Variants in CNTNAP2 observed in about 807,000 individuals in gnomAD.
CNTNAP2 encodes contactin-associated protein-like 2.
A neutral mutation model predicts 155.2 loss-of-function variants in CNTNAP2; 98 were observed. The observed-to-expected ratio is 0.63, with a 90% CI of 0.54 to 0.75. CNTNAP2 has a LOEUF of 0.75. Ranked by LOEUF, CNTNAP2 falls within the 30% of genes least tolerant of loss-of-function variation. The pLI, the probability that CNTNAP2 is intolerant of heterozygous loss-of-function variation, is 0.00. For missense variants in CNTNAP2, 1,727 were observed against 1,688.1 expected (o/e 1.02, Z -0.40); for synonymous variants, 651 against 631.2 (o/e 1.03, Z -0.47).
intron 1 of CNTNAP2, among the ~76,000 whole-genome samples, chr7:146,298,171 T>C (rs1800546484): frequency 6.6e-6 from 1 of 152,234 alleles, no homozygotes; most frequent in Non-Finnish European, 1.5e-5. Flanking sequence ...TCTGGGACTT[T>C]GTGAAGAGCC....
At chr7:147,208,715 GC>G (rs1177935028) in intron 8 of CNTNAP2, among the ~76,000 whole-genome samples, 1 of 151,908 alleles carries the variant, frequency 6.6e-6, no homozygotes, top group Non-Finnish European at 1.5e-5. Flanking sequence ...TCTAATATAT[GC>G]AAGTAGTACT....
intron 1 of CNTNAP2, among the ~76,000 whole-genome samples, chr7:146,647,817 G>T (rs998134745): frequency 6.6e-6 from 1 of 152,094 alleles, no homozygotes; most frequent in Admixed American, 6.6e-5. Flanking sequence ...ATTTTTAAAA[G>T]AAATCTTTTA....
At chr7:147,907,126 A>C (rs781179645) in intron 14 of CNTNAP2, among the ~76,000 whole-genome samples, 1 of 151,854 alleles carries the variant, frequency 6.6e-6, no homozygotes, top group South Asian at 2.1e-4. Flanking sequence ...GCATGATCTC[A>C]GCTCACTGCA....
intron 14 of CNTNAP2, among the ~76,000 whole-genome samples, chr7:147,934,099 T>G (rs1276617497): frequency 2.0e-5 from 3 of 152,116 alleles, no homozygotes; most frequent in Admixed American, 2.0e-4. Flanking sequence ...GGTATAAAGT[T>G]TTAGTCATGC....
At chr7:146,594,211 T>G (rs981573923) in intron 1 of CNTNAP2, among the ~76,000 whole-genome samples, 4 of 152,156 alleles carry the variant, frequency 2.6e-5, no homozygotes, top group South Asian at 4.1e-4. Context: ...TTTACCCTAT[T>G]GCAATAATAC....
chr7:147,963,567 A>G (rs1922878), intron 14 of CNTNAP2, among the ~76,000 whole-genome samples: 101,726 of 152,004 alleles, frequency 0.67, 38,064 homozygotes, highest in South Asian at 0.88. Flanking sequence ...CACGTTGAGG[A>G]ACAGTAAATG....
intron 13 of CNTNAP2, among the ~76,000 whole-genome samples, chr7:147,901,784 C>T (rs1020114856): frequency 6.6e-6 from 1 of 152,126 alleles, no homozygotes; most frequent in Non-Finnish European, 1.5e-5. Context: ...CAATCTGTAT[C>T]TTTTTCTTCC....
chr7:147,381,248 A>T (rs961780652), intron 9 of CNTNAP2, among the ~76,000 whole-genome samples: 3 of 152,186 alleles, frequency 2.0e-5, no homozygotes, highest in African/African-American at 7.2e-5. Context: ...GCGTTAAGAC[A>T]GGATGAGTGA....
intron 18 of CNTNAP2, among the ~76,000 whole-genome samples, chr7:148,212,613 T>C (rs1454039963): frequency 6.6e-6 from 1 of 152,212 alleles, no homozygotes; most frequent in Non-Finnish European, 1.5e-5. Context: ...TCTAAATCAA[T>C]ACTTTTTGAT....
At chr7:147,046,767 C>A (rs1375441170) in intron 4 of CNTNAP2, among the ~76,000 whole-genome samples, 1 of 152,050 alleles carries the variant, frequency 6.6e-6, no homozygotes, top group Non-Finnish European at 1.5e-5. Context: ...CGGTGGCTCA[C>A]ACCTGTAATC....
At chr7:148,277,593 C>CT (rs540287466) in intron 21 of CNTNAP2, among the ~76,000 whole-genome samples, 2 of 148,596 alleles carry the variant, frequency 1.3e-5, no homozygotes, top group Non-Finnish European at 3.0e-5. Context: ...AGGACCGCCC[C>CT]CCACCACCAC....
intron 1 of CNTNAP2, among the ~76,000 whole-genome samples, chr7:146,521,408 C>T (rs1036685150): frequency 7.9e-5 from 12 of 151,722 alleles, no homozygotes; most frequent in African/African-American, 1.2e-4. Flanking sequence ...ATCATTCAGC[C>T]GATTTTTTTG....
chr7:147,502,592 G>A (rs1310210261), intron 11 of CNTNAP2, among the ~76,000 whole-genome samples: 1 of 152,128 alleles, frequency 6.6e-6, no homozygotes, highest in Non-Finnish European at 1.5e-5. Flanking sequence ...GGTGACTACA[G>A]TTAATTATAC....
chr7:147,034,498 GCTCT>G (rs944493679), intron 3 of CNTNAP2, among the ~76,000 whole-genome samples: 75 of 152,242 alleles, frequency 4.9e-4, no homozygotes, highest in African/African-American at 1.7e-3. Flanking sequence ...GTTACCTTGT[GCTCT>G]CTTAGTTTTG....
chr7:146,436,257 A>G (rs1413164110), intron 1 of CNTNAP2, among the ~76,000 whole-genome samples: 5 of 152,182 alleles, frequency 3.3e-5, no homozygotes, highest in African/African-American at 1.2e-4. Flanking sequence ...TTCATTCCCC[A>G]TACAAATAGA....
intron 1 of CNTNAP2, among the ~76,000 whole-genome samples, chr7:146,423,804 C>A (rs893918434): frequency 4.6e-5 from 7 of 152,100 alleles, no homozygotes; most frequent in Admixed American, 1.3e-4. Flanking sequence ...GAAGGTAGAT[C>A]TTTTCTTTTT....
At chr7:147,129,516 G>T (rs1427588475) in intron 7 of CNTNAP2, among the ~76,000 whole-genome samples, 3 of 152,156 alleles carry the variant, frequency 2.0e-5, no homozygotes, top group Admixed American at 2.0e-4. Flanking sequence ...ATCCCTAAAA[G>T]ACACTTAGTT....
At chr7:148,125,826 C>T (rs983232481) in intron 16 of CNTNAP2, among the ~76,000 whole-genome samples, 6 of 151,800 alleles carry the variant, frequency 4.0e-5, no homozygotes, top group African/African-American at 1.5e-4. Flanking sequence ...CTCAGCCTCC[C>T]AAGTAGCTGG....
At chr7:146,314,631 T>A (rs576669852) in intron 1 of CNTNAP2, among the ~76,000 whole-genome samples, 1 of 152,232 alleles carries the variant, frequency 6.6e-6, no homozygotes, top group African/African-American at 2.4e-5. Context: ...TGGAGTTCTG[T>A]CAACTCCCAG....
Sources: gnomAD v4.1 joint callset for allele counts (sites outside exome capture counted in the v4.1 genomes callset) on GRCh38, gnomAD v4.1.1 for gene constraint, MANE v1.5 for transcripts, NCBI Gene and HGNC (gene_info 2026-07-23, HGNC 2026-07-21) for gene names.